Variants in MEIKIN observed in about 807,000 individuals in gnomAD.
The protein encoded by MEIKIN is meiosis-specific kinetochore protein.
At chr5:131,910,266 C>A (rs1403602539) in intron 8 of MEIKIN, among the ~76,000 whole-genome samples, 2 of 152,094 alleles carry the variant, frequency 1.3e-5, no homozygotes, top group East Asian at 3.9e-4. Context: ...CTGTCATTTA[C>A]AACAACATGA....
chr5:131,821,507 G>A (rs1375852100), intron 11 of MEIKIN, among the ~76,000 whole-genome samples: 1 of 151,926 alleles, frequency 6.6e-6, no homozygotes, highest in Non-Finnish European at 1.5e-5. Context: ...TATCTATTAG[G>A]TCCATTTGTT....
chr5:131,871,886 A>G (rs538518542), intron 9 of MEIKIN, among the ~76,000 whole-genome samples: 1 of 152,318 alleles, frequency 6.6e-6, no homozygotes, highest in African/African-American at 2.4e-5. Context: ...CCAGGCAAAC[A>G]GGGTCTGGAG....
At chr5:131,883,578 A>G (rs1750731227) in intron 8 of MEIKIN, among the ~76,000 whole-genome samples, 1 of 152,242 alleles carries the variant, frequency 6.6e-6, no homozygotes, top group Non-Finnish European at 1.5e-5. Context: ...TTGTTGAATT[A>G]AGAAATGTAT....
chr5:131,857,801 C>G (rs1406200500), intron 9 of MEIKIN, among the ~76,000 whole-genome samples: 1 of 152,240 alleles, frequency 6.6e-6, no homozygotes, highest in Non-Finnish European at 1.5e-5. Context: ...CTCTCTCCCA[C>G]TGGCATGTGT....
At chr5:131,845,000 G>T (rs1749986998) in intron 11 of MEIKIN, among the ~76,000 whole-genome samples, 1 of 152,164 alleles carries the variant, frequency 6.6e-6, no homozygotes, top group South Asian at 2.1e-4. Context: ...GCTGGGTGCG[G>T]TGGCTCACGC....
Position 131,892,264 on chromosome 5 carries a change from C to A in MEIKIN, c.704-13216G>T, listed in dbSNP as rs547392144. 8.5e-5 allele frequency among the ~76,000 whole-genome samples: 13 copies of A among 152,240 alleles called. No homozygotes were observed. The South Asian group carries it at 2.7e-3, about 32-fold the overall frequency. On this transcript the variant is annotated intron_variant, in intron 8 of 12. Transcript: ENST00000442687. ...TTTCCTGAATGTGAATGTTGACCTG[C>A]CTTGCTAGATTGGGGAAGTTCTCCT... is the stretch of plus-strand genomic sequence containing the variant.
chr5:131,867,681 C>T (rs570926629), intron 9 of MEIKIN, among the ~76,000 whole-genome samples: 1 of 152,280 alleles, frequency 6.6e-6, no homozygotes, highest in Middle Eastern at 3.4e-3. Context: ...AAGTTTCCTC[C>T]ATGTCTTTTC....
At chr5:131,922,928 G>A (rs2149648301) in intron 5 of MEIKIN, among the ~76,000 whole-genome samples, 1 of 152,210 alleles carries the variant, frequency 6.6e-6, no homozygotes, top group African/African-American at 2.4e-5. Context: ...GTCTTGCTCT[G>A]TCGCCCAGGC....
chr5:131,842,280 G>A (rs569260321), intron 11 of MEIKIN, among the ~76,000 whole-genome samples: 2 of 152,220 alleles, frequency 1.3e-5, no homozygotes, highest in South Asian at 4.2e-4. Flanking sequence ...CTTTTTCAAT[G>A]TGGATGCTTT....
intron 5 of MEIKIN, among the ~76,000 whole-genome samples, chr5:131,929,710 C>T (rs1359023465): frequency 6.6e-6 from 1 of 152,142 alleles, no homozygotes; most frequent in African/African-American, 2.4e-5. Flanking sequence ...AAGTAAGCCC[C>T]AGTGTCTACT....
chr5:131,934,331 T>C (rs1291663527), intron 4 of MEIKIN, among the ~76,000 whole-genome samples: 3 of 152,088 alleles, frequency 2.0e-5, no homozygotes, highest in Admixed American at 1.3e-4. Context: ...GTGATTCTAG[T>C]TATTTCATCT....
chr5:131,813,801 T>C (rs1241195201), intron 12 of MEIKIN, among the ~76,000 whole-genome samples: 1 of 152,092 alleles, frequency 6.6e-6, no homozygotes, highest in African/African-American at 2.4e-5. Context: ...AACATTGTAT[T>C]AGTCAGGGTT....
intron 8 of MEIKIN, among the ~76,000 whole-genome samples, chr5:131,883,661 CA>C (rs1750732486): frequency 6.6e-6 from 1 of 152,210 alleles, no homozygotes; most frequent in Non-Finnish European, 1.5e-5. Flanking sequence ...ACCAATTTAA[CA>C]ACTATCTACA....
In MEIKIN at chr5:131,904,175, T is replaced by G. The variant is rs1474588945; in HGVS notation, c.703+7640A>C. Among the ~76,000 whole-genome samples the G allele has an allele frequency of 3.9e-5, 6 of 152,128 alleles. No individual in the cohort carries two copies. In the East Asian group the frequency reaches 1.2e-3, roughly 29 times the overall value. ...GGAGCACCCAGATTCATAAAGCAAG[T>G]TCTTAGAGACCTATGAAGAGATTTA... On this transcript the variant is annotated intron_variant, in intron 8 of 12. Transcript: ENST00000442687.
At chr5:131,875,335 T>A (rs1750592365) in intron 9 of MEIKIN, among the ~76,000 whole-genome samples, 1 of 152,170 alleles carries the variant, frequency 6.6e-6, no homozygotes, top group South Asian at 2.1e-4. Context: ...TCACAAGCAT[T>A]CTTATACACC....
chr5:131,849,885 A>C (rs1411952853), intron 11 of MEIKIN, among the ~76,000 whole-genome samples: 2 of 152,178 alleles, frequency 1.3e-5, no homozygotes, highest in East Asian at 3.9e-4. Flanking sequence ...AAGTAAAATT[A>C]TCTCTGTTCA....
At chr5:131,937,963 A>C (rs1376490789) in intron 4 of MEIKIN, among the ~76,000 whole-genome samples, 1 of 151,986 alleles carries the variant, frequency 6.6e-6, no homozygotes, top group African/African-American at 2.4e-5. Flanking sequence ...CTTTCAGTAA[A>C]TACACTCATG....
At chr5:131,894,769 A>T (rs375604409) in intron 8 of MEIKIN, among the ~76,000 whole-genome samples, 1 of 152,194 alleles carries the variant, frequency 6.6e-6, no homozygotes, top group Non-Finnish European at 1.5e-5. Context: ...GATTTTGCTG[A>T]AGTTGCCTAT....
At chr5:131,811,140 G>A (rs1772945532) in intron 12 of MEIKIN, among the ~76,000 whole-genome samples, 1 of 152,008 alleles carries the variant, frequency 6.6e-6, no homozygotes, top group African/African-American at 2.4e-5. Flanking sequence ...AATGGGGAGG[G>A]GAATTAAGGG....
Sources: gnomAD v4.1 joint callset for allele counts (sites outside exome capture counted in the v4.1 genomes callset) on GRCh38, gnomAD v4.1.1 for gene constraint, MANE v1.5 for transcripts, NCBI Gene and HGNC (gene_info 2026-07-23, HGNC 2026-07-21) for gene names.